Variants in CTNNA2 observed in about 807,000 individuals in gnomAD.
The protein encoded by CTNNA2 is catenin alpha-2.
Under a neutral mutation model 101.0 loss-of-function variants are expected in CTNNA2, and 42 were observed. The observed-to-expected ratio is 0.42, with a 90% CI of 0.32 to 0.54. The LOEUF (loss-of-function observed/expected upper bound fraction) is 0.54. Among genes scored for constraint, CTNNA2 ranks in the 20% least tolerant of loss-of-function variants. CTNNA2 has a pLI of 0.14. For synonymous variants in CTNNA2, 450 were observed against 456.4 expected, an observed-to-expected ratio of 0.99 and a Z score of 0.18; for missense variants, 871 against 1,223.1, an observed-to-expected ratio of 0.71 and a Z score of 4.29.
At chr2:80,604,034 A>G (rs1319743920) in intron 15 of CTNNA2, 40 bp from the exon 16 acceptor site, 3 of 1,566,498 alleles carry the variant, frequency 1.9e-6, no homozygotes, top group Admixed American at 1.7e-5. Context: ...CTTTCCCGTC[A>G]TTAAGTGGAT....
intron 2 of CTNNA2, among the ~76,000 whole-genome samples, chr2:79,684,129 T>C (rs1047767917): frequency 7.9e-5 from 12 of 152,276 alleles, no homozygotes; most frequent in African/African-American, 2.4e-4. Context: ...AGCACACTTA[T>C]TGCACCTGTG....
At chr2:79,752,800 G>C (rs1010932087) in intron 3 of CTNNA2, among the ~76,000 whole-genome samples, 4 of 152,102 alleles carry the variant, frequency 2.6e-5, no homozygotes, top group Non-Finnish European at 5.9e-5. Flanking sequence ...ACAACTGTTT[G>C]CCTGCTTGCT....
At chr2:80,472,347 A>G (rs1035573302) in intron 9 of CTNNA2, among the ~76,000 whole-genome samples, 2 of 152,148 alleles carry the variant, frequency 1.3e-5, no homozygotes, top group Admixed American at 6.5e-5. Flanking sequence ...CTTACAGTCA[A>G]CCTACTCCCA....
intron 3 of CTNNA2, among the ~76,000 whole-genome samples, chr2:79,330,845 C>T (rs1041412535): frequency 2.0e-5 from 3 of 152,146 alleles, no homozygotes; most frequent in African/African-American, 7.2e-5. Context: ...TCAATTAAAC[C>T]TCTTTCCTTT....
At chr2:79,821,241 C>T (rs528410643) in intron 3 of CTNNA2, among the ~76,000 whole-genome samples, 55 of 152,182 alleles carry the variant, frequency 3.6e-4, no homozygotes, top group African/African-American at 1.2e-3. Context: ...TGAAGCCTTG[C>T]TCTGTCACCC....
At chr2:79,658,618 C>G (rs1357687885) in intron 2 of CTNNA2, among the ~76,000 whole-genome samples, 1 of 151,908 alleles carries the variant, frequency 6.6e-6, no homozygotes, top group Non-Finnish European at 1.5e-5. Flanking sequence ...TTTCAGGAAG[C>G]TAATGAAGCA....
chr2:80,483,816 CTG>C (rs1321526290), intron 9 of CTNNA2, among the ~76,000 whole-genome samples: 1 of 152,078 alleles, frequency 6.6e-6, no homozygotes, highest in African/African-American at 2.4e-5. Flanking sequence ...AAAAAGTACT[CTG>C]TGCTGAAGAA....
chr2:79,794,327 C>T (rs1239824805), intron 3 of CTNNA2, among the ~76,000 whole-genome samples: 1 of 151,796 alleles, frequency 6.6e-6, no homozygotes, highest in Admixed American at 6.6e-5. Context: ...ATTCTTTTGC[C>T]TTTACTTTTA....
intron 7 of CTNNA2, among the ~76,000 whole-genome samples, chr2:80,106,382 A>G (rs1285013440): frequency 6.6e-6 from 1 of 152,158 alleles, no homozygotes; most frequent in Non-Finnish European, 1.5e-5. Context: ...ACAAGTGGAT[A>G]CATTTTCACA....
chr2:79,667,540 A>T (rs1191642388), intron 2 of CTNNA2, among the ~76,000 whole-genome samples: 1 of 152,204 alleles, frequency 6.6e-6, no homozygotes, highest in East Asian at 1.9e-4. Context: ...GTAAATGAAA[A>T]ATCTGTATTT....
At chr2:80,104,484 A>C (rs1309962418) in intron 7 of CTNNA2, among the ~76,000 whole-genome samples, 1 of 152,206 alleles carries the variant, frequency 6.6e-6, no homozygotes, top group Non-Finnish European at 1.5e-5. Context: ...AACGCTAAAA[A>C]AACTTCTAAC....
chr2:80,647,500 TATTTTAACCGTGAAAGTAC>T, intron 18 of CTNNA2, 66 bp from the exon 19 acceptor site: 1 of 1,161,860 alleles, frequency 8.6e-7, no homozygotes, highest in Non-Finnish European at 1.2e-6. Flanking sequence ...AGGAAAACAT[TATTTTAACCGTGAAAGTAC>T]ATCACCATTT....
intron 3 of CTNNA2, among the ~76,000 whole-genome samples, chr2:79,748,924 A>G (rs577501824): frequency 1.6e-4 from 24 of 152,216 alleles, no homozygotes; most frequent in Admixed American, 1.4e-3. Flanking sequence ...CGCCAGGATC[A>G]CGGGGCCAAA....
intron 2 of CTNNA2, among the ~76,000 whole-genome samples, chr2:79,236,821 A>C (rs1282857774): frequency 6.6e-6 from 1 of 152,196 alleles, no homozygotes; most frequent in Non-Finnish European, 1.5e-5. Context: ...AGATTGCAAT[A>C]ATTCAATCAC....
chr2:79,780,840 G>A (rs1201200008), intron 3 of CTNNA2, among the ~76,000 whole-genome samples: 1 of 152,036 alleles, frequency 6.6e-6, no homozygotes, highest in Non-Finnish European at 1.5e-5. Context: ...TAAATATAAG[G>A]AAGCATTCAA....
chr2:79,763,477 A>G (rs1672938091), intron 3 of CTNNA2, among the ~76,000 whole-genome samples: 1 of 152,124 alleles, frequency 6.6e-6, no homozygotes, highest in African/African-American at 2.4e-5. Flanking sequence ...TCACCTTGAC[A>G]ATCGGTATTG....
chr2:79,798,307 C>G (rs1675883292), intron 3 of CTNNA2, among the ~76,000 whole-genome samples: 1 of 152,152 alleles, frequency 6.6e-6, no homozygotes, highest in Non-Finnish European at 1.5e-5. Context: ...TTTGTTTCAT[C>G]ACTATACTAA....
At chr2:79,212,960 G>A (rs1572981211) in intron 2 of CTNNA2, among the ~76,000 whole-genome samples, 1 of 152,272 alleles carries the variant, frequency 6.6e-6, no homozygotes, top group East Asian at 1.9e-4. Context: ...GGAAATGAGA[G>A]GTTCTAAGAG....
intron 9 of CTNNA2, among the ~76,000 whole-genome samples, chr2:80,476,384 GGAAAA>G (rs1559140990): frequency 6.6e-6 from 1 of 152,068 alleles, no homozygotes; most frequent in African/African-American, 2.4e-5. Context: ...CTTCTCCAGG[GGAAAA>G]GGTGGAAAAA....
Sources: gnomAD v4.1 joint callset for allele counts (sites outside exome capture counted in the v4.1 genomes callset) on GRCh38, gnomAD v4.1.1 for gene constraint, MANE v1.5 for transcripts, NCBI Gene and HGNC (gene_info 2026-07-23, HGNC 2026-07-21) for gene names.